NBN: variants seen among roughly 807,000 people sequenced by gnomAD.
The protein encoded by NBN is nibrin.
Under a neutral mutation model 90.8 loss-of-function variants are expected in NBN, and 88 were observed. The ratio of observed to expected loss-of-function variants is 0.97; its 90% confidence interval spans 0.82 to 1.16. The LOEUF (loss-of-function observed/expected upper bound fraction) is 1.16. Among genes scored for constraint, NBN ranks in the 50% most tolerant of loss-of-function variants. The pLI is 0.00. For synonymous variants in NBN, 328 were observed against 295.1 expected (o/e 1.11, Z -1.14); for missense variants, 894 against 869.6 (o/e 1.03, Z -0.35).
rs920731197 is a variant in NBN, at chr8:89,935,294, T to A, written c.*288A>T. The stretch of plus-strand genomic sequence containing the variant: ...GACAATGGTGGAAGGGTGACTTTAG[T>A]CTTTACCTTACGTACATTTAGAATT... On this transcript the variant is annotated 3_prime_UTR_variant, in exon 16 of 16. Coordinates refer to ENST00000265433, the MANE Select transcript of NBN (RefSeq NM_002485.5). 3.7e-5 allele frequency: 13 copies of A among 351,436 alleles called. No homozygotes were observed. The highest frequency in any genetic ancestry group is 2.5e-4 in the African/African-American group (12 of 47,916). The allele number at this position is 351,436 out of a possible 1,614,324, so 21.8% of individuals were successfully genotyped here.
intron 14 of NBN, among the ~76,000 whole-genome samples, chr8:89,939,613 T>C (rs1809848718): frequency 6.6e-6 from 1 of 152,222 alleles, no homozygotes; most frequent in Non-Finnish European, 1.5e-5. Context: ...ATGATTCTGA[T>C]GCAGCTGATT....
Position 89,980,894 on chromosome 8 carries a change from C to T in NBN, c.321-1G>A. On this transcript the variant is annotated splice_acceptor_variant, in intron 3 of 15. Transcript: ENST00000265433. LOFTEE classifies it high-confidence loss of function. ...TGCAACCAAAGGCTCATACTCTATT[C>T]TGTAAATGAGAATAAGTTAAATAAA... is the stretch of plus-strand genomic sequence containing the variant. 6.2e-7 allele frequency: 1 copy of T among 1,611,908 alleles called. No homozygotes were observed. Among genetic ancestry groups the T allele is most frequent in the South Asian group, 1.1e-5 (1 of 91,050 alleles).
intron 15 of NBN, among the ~76,000 whole-genome samples, 184 bp downstream of exon 15, chr8:89,936,842 C>T (rs2130738705): frequency 6.6e-6 from 1 of 152,284 alleles, no homozygotes; most frequent in Middle Eastern, 3.4e-3. Context: ...TAACCCCAAA[C>T]CTCGATGCTA....
intron 12 of NBN, 50 bp from the exon 13 acceptor site, chr8:89,946,345 A>T (rs1266377858): frequency 1.4e-6 from 2 of 1,480,410 alleles, no homozygotes; most frequent in Middle Eastern, 1.7e-4. Flanking sequence ...AATAACAAAG[A>T]AAAGTCACTT....
At position 89,984,525 on chromosome 8, in the gene NBN, C is replaced by T. The variant is rs757112911; in HGVS notation, c.37G>A (p.Gly13Arg). Residue 13 changes from glycine (G) to arginine (R), a missense_variant and splice_region_variant, in exon 1 of 16, where the codon GGA becomes AGA. Gly to Arg is a moderately radical substitution (Grantham distance 125). Transcript: ENST00000265433. ...CCCGAGGCTTCCCTTCTGCCCTTAC[C>T]TCCTGCCGGGCCCGCGGCGGGCAGC... The part of the protein sequence containing the change: ...KLLPAAGPAG[G>R]EPYRLLTGVE... The T allele has an allele frequency of 1.2e-6, 2 of 1,612,924 alleles. No individual in the cohort carries two copies. The highest frequency in any genetic ancestry group is 8.5e-7 in the Non-Finnish European group (1 of 1,179,564).
At chr8:89,956,322 G>A (rs1294461516) in intron 9 of NBN, among the ~76,000 whole-genome samples, 5 of 151,480 alleles carry the variant, frequency 3.3e-5, no homozygotes, top group African/African-American at 1.2e-4. Context: ...AAATAAATAA[G>A]GTTTAATACA....
rs1809555478 is a variant in NBN, at chr8:89,934,092, G to A, written c.*1490C>T. The A allele has an allele frequency of 4.3e-6, 1 of 230,150 alleles. No individual in the cohort carries two copies. The highest frequency in any genetic ancestry group is 5.6e-5 in the Admixed American group (1 of 17,702). 14.3% of individuals were successfully genotyped at this position (230,150 alleles called of 1,614,324 possible). Reference sequence around the variant, plus strand: ...TTAGAAAGGGATTGTGGGCATGACAGAGAACAATATTAATCTGTCCATTAT... The same window carrying A: ...TTAGAAAGGGATTGTGGGCATGACAAAGAACAATATTAATCTGTCCATTAT... On this transcript the variant is annotated 3_prime_UTR_variant, in exon 16 of 16. Coordinates refer to ENST00000265433, the MANE Select transcript of NBN (RefSeq NM_002485.5).
At chr8:89,963,074 T>G (rs1811071939) in intron 8 of NBN, among the ~76,000 whole-genome samples, 1 of 152,168 alleles carries the variant, frequency 6.6e-6, no homozygotes, top group African/African-American at 2.4e-5. Flanking sequence ...GATTAAAGTT[T>G]GATGATGGTA....
rs553688540 is a variant in NBN, at chr8:89,936,737, G to GA, written c.2234+288dup. On this transcript the variant is annotated intron_variant, in intron 15 of 15. Coordinates refer to ENST00000265433, the MANE Select transcript of NBN (RefSeq NM_002485.5). ...CTCAATCGTAATTCTACTCAGAGCT[G>GA]AAAAATCTCACAAATCTATACAACA... 9.9e-5 allele frequency among the ~76,000 whole-genome samples: 15 copies of GA among 152,248 alleles called. No individual in the cohort carries two copies. In the South Asian group the frequency reaches 3.1e-3, roughly 32 times the overall value.
intron 14 of NBN, among the ~76,000 whole-genome samples, chr8:89,939,526 C>T (rs988969030): frequency 3.3e-5 from 5 of 151,868 alleles, no homozygotes; most frequent in African/African-American, 9.7e-5. Context: ...AAACAAAACT[C>T]GACAGTGTTA....
rs13312953 is a variant in NBN at position 89,942,544 on chromosome 8, G to A, written c.2184+709C>T. On this transcript the variant is annotated intron_variant, in intron 14 of 15. Transcript: ENST00000265433. ...AACAGATCAAACATTTTAGGTAATG[G>A]TATCATTAGGCAAATAATATAAAAG... 1.9e-3 allele frequency among the ~76,000 whole-genome samples: 282 copies of A among 152,164 alleles called. 1 individual carries two copies. Among genetic ancestry groups the A allele is most frequent in the Middle Eastern group, 6.8e-3 (2 of 294 alleles).
rs876659320 is a variant in NBN, at chr8:89,980,882, T to C, written c.332A>G (p.Glu111Gly). The change falls in exon 4 of 16, where the codon GAG (glutamate) becomes GGG (glycine). Residue 111 changes from glutamate (E) to glycine (G), a missense_variant. Transcript: ENST00000265433. ...ACAAGAAGAGCATGCAACCAAAGGC[T>C]CATACTCTATTCTGTAAATGAGAAT... Reference protein sequence around the residue: ...VFGSKFRIEYEPLVACSSCLD... With the variant: ...VFGSKFRIEYGPLVACSSCLD... 1.9e-6 allele frequency: 3 copies of C among 1,612,546 alleles called. No individual in the cohort carries two copies. Among genetic ancestry groups the C allele is most frequent in the Non-Finnish European group, 2.5e-6 (3 of 1,179,276 alleles).
At chr8:89,977,717 A>C (rs563437849) in intron 5 of NBN, among the ~76,000 whole-genome samples, 3 of 152,346 alleles carry the variant, frequency 2.0e-5, no homozygotes, top group Non-Finnish European at 2.9e-5. Flanking sequence ...ATTTCTCCAC[A>C]GCCTCGCCAG....
chr8:89,980,989 G>T, intron 3 of NBN, 96 bp from the exon 4 acceptor site: 1 of 1,044,906 alleles, frequency 9.6e-7, no homozygotes, highest in Non-Finnish European at 1.4e-6. Flanking sequence ...ATCATATACT[G>T]TTATTGTAAC....
At chr8:89,977,940 T>C (rs1811844976) in intron 5 of NBN, among the ~76,000 whole-genome samples, 1 of 152,260 alleles carries the variant, frequency 6.6e-6, no homozygotes, top group Admixed American at 6.5e-5. Context: ...TGTGCTCTTC[T>C]GACCATGAGG....
chr8:89,964,601 T>C (rs1258205344), intron 7 of NBN, 94 bp from the exon 8 acceptor site: 1 of 1,254,132 alleles, frequency 8.0e-7, no homozygotes, highest in Non-Finnish European at 1.1e-6. Context: ...TTTTTTTTCC[T>C]CCCAAATAAT....
At chr8:89,976,656 G>A (rs1478046296) in intron 5 of NBN, among the ~76,000 whole-genome samples, 1 of 152,116 alleles carries the variant, frequency 6.6e-6, no homozygotes, top group Non-Finnish European at 1.5e-5. Context: ...GTGTCTGTGG[G>A]TGGCCCAGCC....
intron 14 of NBN, among the ~76,000 whole-genome samples, chr8:89,941,823 C>G (rs556460318): frequency 1.3e-5 from 2 of 152,142 alleles, no homozygotes; most frequent in Non-Finnish European, 2.9e-5. Flanking sequence ...TCCATTCTTT[C>G]ATTTTTTAAA....
intron 12 of NBN, among the ~76,000 whole-genome samples, chr8:89,947,464 T>C (rs1169628077): frequency 6.6e-6 from 1 of 151,980 alleles, no homozygotes; most frequent in Non-Finnish European, 1.5e-5. Context: ...ACCCCGTCTC[T>C]ATTAAAAATT....
Sources: allele counts gnomAD v4.1 joint callset (sites outside exome capture counted in the v4.1 genomes callset), GRCh38; gene constraint gnomAD v4.1.1; transcripts MANE v1.5; gene names NCBI Gene and HGNC (gene_info 2026-07-23, HGNC 2026-07-21).